Variants in ABI3BP observed in about 807,000 individuals in gnomAD.
ABI3BP encodes ABI family member 3 binding protein, also known as target of Nesh-SH3.
A neutral mutation model predicts 268.6 loss-of-function variants in ABI3BP; 216 were observed. The ratio of observed to expected loss-of-function variants is 0.80; its 90% CI spans 0.72 to 0.90. ABI3BP has a LOEUF of 0.90. Ranked by LOEUF, ABI3BP falls within the 40% of genes least tolerant of loss-of-function variation. The pLI is 0.00. For synonymous variants in ABI3BP, 730 were observed against 730.0 expected (o/e 1.00, Z 0.00); for missense variants, 2,090 against 2,182.4 (o/e 0.96, Z 0.84).
chr3:100,840,799 A>G (rs987166582), intron 22 of ABI3BP, 21 bp downstream of exon 22: 1 of 1,529,896 alleles, frequency 6.5e-7, no homozygotes, highest in African/African-American at 1.4e-5. Context: ...AACAAAGGTC[A>G]CCCACTCAAT....
In ABI3BP at chr3:100,864,031, G is replaced by A. The variant is rs1332476040; in HGVS notation, c.1109C>T (p.Pro370Leu). The change falls in exon 12 of 68, where the codon CCT becomes CTT. Residue 370 changes from proline to leucine, a missense_variant. By Grantham distance (98) the Pro-to-Leu change is moderately conservative. Transcript: ENST00000471714. ...TPETLQTILIPQFELPLSTLA... is the reference protein window; with the variant it reads ...TPETLQTILILQFELPLSTLA... Reference sequence around the variant, plus strand: ...AGTGCTCAGTGGCAATTCAAACTGAGGTATTAGAATAGTTTGCAATGTTTC... The same window carrying A: ...AGTGCTCAGTGGCAATTCAAACTGAAGTATTAGAATAGTTTGCAATGTTTC... 6.5e-7 allele frequency: 1 copy of A among 1,535,970 alleles called. No homozygotes were observed. Among genetic ancestry groups the A allele is most frequent in the East Asian group, 2.4e-5 (1 of 40,898 alleles).
Position 100,750,435 on chromosome 3 carries a change from A to G in ABI3BP, c.*60T>C, listed in dbSNP as rs2095248028. 12 of 1,315,260 alleles carry G rather than the reference A, an allele frequency of 9.1e-6. No individual in the cohort carries two copies. Among genetic ancestry groups the G allele is most frequent in the Admixed American group, 7.0e-5 (4 of 57,000 alleles). The allele number at this position is 1,315,260 out of a possible 1,614,324, so 81.5% of individuals were successfully genotyped here. A position where few individuals can be genotyped will look rare whatever the true frequency, so the allele number is the denominator to read the frequency against. On this transcript the variant is annotated 3_prime_UTR_variant, in exon 68 of 68. Coordinates refer to ENST00000471714, the MANE Select transcript of ABI3BP (RefSeq NM_001375547.2). ...CAAAATAGCTTTAAATGAATGCGGC[A>G]TAGTATTTTCAATGATTTTTGTTTG... is the stretch of plus-strand genomic sequence containing the variant.
chr3:100,805,199 G>T (rs530200964), intron 50 of ABI3BP, among the ~76,000 whole-genome samples: 18 of 152,168 alleles, frequency 1.2e-4, no homozygotes, highest in African/African-American at 4.1e-4. Context: ...GGATATGTTT[G>T]CTTGACTTCT....
At chr3:100,949,232 T>G (rs1007479453) in intron 1 of ABI3BP, among the ~76,000 whole-genome samples, 22 of 152,160 alleles carry the variant, frequency 1.4e-4, no homozygotes, top group African/African-American at 5.3e-4. Flanking sequence ...AACGATCATC[T>G]CAATAAATTC....
chr3:100,840,261 G>T, intron 22 of ABI3BP, 97 bp from the exon 23 acceptor site: 1 of 913,462 alleles, frequency 1.1e-6, no homozygotes, highest in Non-Finnish European at 1.6e-6. Flanking sequence ...TAAACCCTTT[G>T]ATTTACTGTG....
intron 6 of ABI3BP, among the ~76,000 whole-genome samples, chr3:100,882,747 G>T (rs929223959): frequency 2.6e-5 from 4 of 151,956 alleles, no homozygotes; most frequent in Non-Finnish European, 5.9e-5. Flanking sequence ...TCCCAATCTT[G>T]CTGAGTAACT....
At chr3:100,770,706 G>T (rs768556513) in intron 62 of ABI3BP, 37 bp downstream of exon 62, 3 of 1,397,414 alleles carry the variant, frequency 2.1e-6, no homozygotes, top group Non-Finnish European at 2.8e-6. Flanking sequence ...TGTTATCAAA[G>T]CTTCCCACCA....
intron 1 of ABI3BP, among the ~76,000 whole-genome samples, chr3:100,958,896 C>T (rs1272462813): frequency 6.6e-6 from 1 of 152,176 alleles, no homozygotes; most frequent in Non-Finnish European, 1.5e-5. Context: ...CTCATGGTTA[C>T]TTACAGAAAA....
intron 20 of ABI3BP, 71 bp downstream of exon 20, chr3:100,846,301 C>T: frequency 2.9e-6 from 3 of 1,029,454 alleles, no homozygotes; most frequent in South Asian, 3.2e-5. Context: ...GAAATTCTTG[C>T]TCCAAATAAT....
Position 100,874,846 on chromosome 3 carries a change from T to C in ABI3BP, c.905A>G (p.Gln302Arg). The change falls in exon 9 of 68, where the codon CAA (glutamine) becomes CGA (arginine). Residue 302 changes from glutamine (Q) to arginine (R), a missense_variant. Gln to Arg is a conservative substitution (Grantham distance 43). Coordinates refer to ENST00000471714, the MANE Select transcript of ABI3BP (RefSeq NM_001375547.2). ...TACAAAACTTTTCTGCTTACCTAAT[T>C]GTGTCTTGAGTGCATCTGAAATCTC... The part of the protein sequence containing the change: ...MFEISDALKT[Q>R]LAKNETLALP... The C allele has an allele frequency of 3.2e-6, 5 of 1,586,014 alleles. No individual in the cohort carries two copies. Among genetic ancestry groups the C allele is most frequent in the Non-Finnish European group, 4.3e-6 (5 of 1,162,756 alleles).
Position 100,876,579 on chromosome 3 carries a change from A to C in ABI3BP, c.697-19T>G, listed in dbSNP as rs774813364. ...ATGCTGGCTGCAAAGAGAAGAAGAA[A>C]GTCAACTTTTGAGTCATTGTGAATA... On this transcript the variant is annotated intron_variant, in intron 6 of 67. Transcript: ENST00000471714. 6.2e-7 allele frequency: 1 copy of C among 1,611,182 alleles called. No homozygotes were observed. Among genetic ancestry groups the C allele is most frequent in the African/African-American group, 1.3e-5 (1 of 74,794 alleles).
At chr3:100,953,289 T>G (rs998060764) in intron 1 of ABI3BP, among the ~76,000 whole-genome samples, 1 of 152,210 alleles carries the variant, frequency 6.6e-6, no homozygotes, top group Non-Finnish European at 1.5e-5. Context: ...TTTGTTACAT[T>G]ATCTCTTTCG....
At chr3:100,817,624 A>G in intron 41 of ABI3BP, 129 bp from the exon 42 acceptor site, 2 of 573,506 alleles carry the variant, frequency 3.5e-6, no homozygotes, top group Non-Finnish European at 5.9e-6. Context: ...ATGGTCAGGT[A>G]CCCATTAGTC....
chr3:100,792,064 T>C (rs2097210358), intron 55 of ABI3BP, among the ~76,000 whole-genome samples: 1 of 151,732 alleles, frequency 6.6e-6, no homozygotes, highest in Admixed American at 6.6e-5. Context: ...AGTAGGATAG[T>C]AGGATAGAAA....
intron 2 of ABI3BP, among the ~76,000 whole-genome samples, chr3:100,910,649 A>G (rs1018047000): frequency 3.3e-5 from 5 of 152,040 alleles, no homozygotes; most frequent in African/African-American, 1.2e-4. Context: ...TGCTGGAATT[A>G]CAGGTGTGAG....
chr3:100,754,689 T>A lies in ABI3BP; in HGVS notation c.4853A>T (p.Tyr1618Phe). Residue 1618 changes from tyrosine (Y) to phenylalanine (F), a missense_variant and splice_region_variant, in exon 64 of 68, where the codon TAT becomes TTT. Coordinates refer to ENST00000471714, the MANE Select transcript of ABI3BP (RefSeq NM_001375547.2). Reference protein sequence around the residue: ...TVENLKPNTSYEFQVKPKNPL... With the variant: ...TVENLKPNTSFEFQVKPKNPL... ...GTTTTTGGGTTTCACCTGGAATTCA[T>A]AACTGTTTAGGGGAAAATAAAAAAA... 1 of 1,579,856 alleles carries A rather than the reference T, an allele frequency of 6.3e-7. No individual in the cohort carries two copies. The highest frequency in any genetic ancestry group is 1.2e-5 in the South Asian group (1 of 86,056).
chr3:100,850,514 TA>T, intron 16 of ABI3BP, 145 bp downstream of exon 16: 1 of 619,958 alleles, frequency 1.6e-6, no homozygotes, highest in Non-Finnish European at 2.8e-6. Context: ...TGACTGCATT[TA>T]AAATATATAG....
chr3:100,852,701 T>C (rs2098866457), intron 14 of ABI3BP, among the ~76,000 whole-genome samples: 1 of 152,238 alleles, frequency 6.6e-6, no homozygotes, highest in South Asian at 2.1e-4. Context: ...GGCAGCTTTC[T>C]GTGCTTCTCC....
intron 2 of ABI3BP, among the ~76,000 whole-genome samples, chr3:100,904,557 A>G (rs1248297427): frequency 6.6e-6 from 1 of 152,160 alleles, no homozygotes; most frequent in Non-Finnish European, 1.5e-5. Flanking sequence ...CATTCAATAA[A>G]AGGGTAAGGA....
Sources: gnomAD v4.1 joint callset for allele counts (sites outside exome capture counted in the v4.1 genomes callset) on GRCh38, gnomAD v4.1.1 for gene constraint, MANE v1.5 for transcripts, NCBI Gene and HGNC (gene_info 2026-07-23, HGNC 2026-07-21) for gene names.